The following DTNA variants were observed in gnomAD, a reference collection of about 807,000 sequenced individuals.
The protein encoded by DTNA is dystrobrevin alpha.
DTNA carries 43 observed loss-of-function variants against 100.7 expected under a neutral mutation model. The ratio of observed to expected loss-of-function variants is 0.43; its 90% CI spans 0.33 to 0.55. The LOEUF is 0.55. Among genes scored for constraint, DTNA ranks in the 20% least tolerant of loss-of-function variants. The pLI is 0.04. For missense variants in DTNA, 798 were observed against 953.9 expected (o/e 0.84, Z 2.15); for synonymous variants, 349 against 347.9 (o/e 1.00, Z -0.04).
intron 5 of DTNA, among the ~76,000 whole-genome samples, chr18:34,809,759 A>G (rs2095444725): frequency 6.6e-6 from 1 of 152,184 alleles, no homozygotes; most frequent in Non-Finnish European, 1.5e-5. Flanking sequence ...TTAAAAAACA[A>G]AGAGAAAGCA....
intron 1 of DTNA, among the ~76,000 whole-genome samples, chr18:34,507,932 T>A (rs1227524323): frequency 6.6e-6 from 1 of 152,230 alleles, no homozygotes; most frequent in Non-Finnish European, 1.5e-5. Flanking sequence ...TTGGAAAATG[T>A]ATTTATTATA....
intron 6 of DTNA, among the ~76,000 whole-genome samples, chr18:34,812,550 GAGAA>G (rs1432262958): frequency 6.6e-6 from 1 of 152,134 alleles, no homozygotes; most frequent in Non-Finnish European, 1.5e-5. Context: ...CGACAGGAAA[GAGAA>G]AGAATGAAAA....
chr18:34,802,681 A>C (rs1165125643), intron 4 of DTNA, among the ~76,000 whole-genome samples: 1 of 152,168 alleles, frequency 6.6e-6, no homozygotes, highest in African/African-American at 2.4e-5. Flanking sequence ...GACGCTTTTC[A>C]CTTTGGGTTT....
chr18:34,753,030 A>G (rs1053525772), intron 1 of DTNA, among the ~76,000 whole-genome samples: 2 of 152,218 alleles, frequency 1.3e-5, no homozygotes, highest in South Asian at 2.1e-4. Context: ...TTTCATGGAA[A>G]CCAAACTTAG....
At chr18:34,543,314 A>C (rs1266345650) in intron 1 of DTNA, among the ~76,000 whole-genome samples, 1 of 152,068 alleles carries the variant, frequency 6.6e-6, no homozygotes, top group East Asian at 1.9e-4. Flanking sequence ...TGGGCAATAC[A>C]TAATTTCTCC....
chr18:34,519,002 G>A (rs2041926357), intron 1 of DTNA, among the ~76,000 whole-genome samples: 1 of 152,046 alleles, frequency 6.6e-6, no homozygotes, highest in African/African-American at 2.4e-5. Context: ...ACAGAAAGGA[G>A]TGAATAGATC....
At position 34,700,453 on chromosome 18, in the gene DTNA, A is replaced by G. The variant is rs1274922471; in HGVS notation, c.-1-55523A>G. Among the ~76,000 whole-genome samples, 3 of 152,108 alleles carry G rather than the reference A, an allele frequency of 2.0e-5. 1 individual carries two copies. The highest frequency in any genetic ancestry group is 4.1e-4 in the South Asian group (2 of 4,830). ...TTGGGCCTCATTCTTTCTCACTATC[A>G]GACTCCTCCTGTCTTTATTTTCTTC... On this transcript the variant is annotated intron_variant, in intron 1 of 19. Transcript: ENST00000283365.
intron 1 of DTNA, among the ~76,000 whole-genome samples, chr18:34,530,784 C>G (rs1189574243): frequency 2.0e-5 from 3 of 152,102 alleles, no homozygotes; most frequent in African/African-American, 7.2e-5. Flanking sequence ...CCAAAGCTAT[C>G]TGATCCAGTT....
At chr18:34,493,823 G>A (rs1200390506) in intron 1 of DTNA, 2 of 148,632 alleles carry the variant, frequency 1.3e-5, no homozygotes, top group East Asian at 3.9e-4. Flanking sequence ...GGCGGGGGCA[G>A]GGATTCGCCT....
At chr18:34,740,033 G>A (rs544531248) in intron 1 of DTNA, among the ~76,000 whole-genome samples, 59 of 152,098 alleles carry the variant, frequency 3.9e-4, no homozygotes, top group Non-Finnish European at 7.8e-4. Context: ...AGCTGGAAGG[G>A]AGCATCTCTG....
At chr18:34,663,685 A>C (rs1285647915) in intron 1 of DTNA, among the ~76,000 whole-genome samples, 1 of 152,168 alleles carries the variant, frequency 6.6e-6, no homozygotes, top group Non-Finnish European at 1.5e-5. Flanking sequence ...GAATGAAATA[A>C]GCTTGTCACC....
chr18:34,784,935 CTTTT>C (rs570123829), intron 3 of DTNA, among the ~76,000 whole-genome samples: 1 of 138,572 alleles, frequency 7.2e-6, no homozygotes, highest in Non-Finnish European at 1.6e-5. Context: ...CTGAAATATT[CTTTT>C]TTTTTTTTTT....
chr18:34,627,463 A>G (rs529406907), intron 1 of DTNA, among the ~76,000 whole-genome samples: 4 of 152,138 alleles, frequency 2.6e-5, no homozygotes, highest in Non-Finnish European at 4.4e-5. Context: ...TCAGGGCCCT[A>G]TCAGTTCCCA....
At chr18:34,543,318 T>C (rs977836014) in intron 1 of DTNA, among the ~76,000 whole-genome samples, 1 of 152,026 alleles carries the variant, frequency 6.6e-6, no homozygotes, top group Non-Finnish European at 1.5e-5. Flanking sequence ...CAATACATAA[T>C]TTCTCCAAAA....
At chr18:34,593,524 T>G (rs1337955093) in intron 1 of DTNA, 1 of 152,206 alleles carries the variant, frequency 6.6e-6, no homozygotes, top group Non-Finnish European at 1.5e-5. Context: ...GAGATCATGG[T>G]GTGCATGTTC....
At chr18:34,787,781 A>G (rs1417445099) in intron 3 of DTNA, among the ~76,000 whole-genome samples, 2 of 152,170 alleles carry the variant, frequency 1.3e-5, no homozygotes, top group African/African-American at 2.4e-5. Context: ...TTTCTACCTG[A>G]GATTGCCTGG....
At chr18:34,615,633 G>T (rs1483570668) in intron 1 of DTNA, among the ~76,000 whole-genome samples, 3 of 151,998 alleles carry the variant, frequency 2.0e-5, no homozygotes, top group African/African-American at 7.3e-5. Context: ...CATGTCACGG[G>T]GGTTTGTTGT....
At chr18:34,866,554 C>A (rs2096706847) in intron 17 of DTNA, 2 of 1,061,322 alleles carry the variant, frequency 1.9e-6, no homozygotes, top group South Asian at 3.2e-5. Flanking sequence ...ACCTCTACAC[C>A]CACTCACACT....
At chr18:34,665,935 C>T (rs1395601446) in intron 1 of DTNA, among the ~76,000 whole-genome samples, 4 of 152,216 alleles carry the variant, frequency 2.6e-5, no homozygotes, top group East Asian at 3.9e-4. Flanking sequence ...TGGGTATATA[C>T]CCAGTAATAG....
Sources: gnomAD v4.1 joint callset for allele counts (sites outside exome capture counted in the v4.1 genomes callset) on GRCh38, gnomAD v4.1.1 for gene constraint, MANE v1.5 for transcripts, NCBI Gene and HGNC (gene_info 2026-07-23, HGNC 2026-07-21) for gene names.